The following SNTB1 variants were observed in gnomAD, a reference collection of about 807,000 sequenced individuals.
SNTB1 encodes syntrophin beta 1.
A neutral mutation model predicts 48.9 loss-of-function variants in SNTB1; 36 were observed. That is an observed-to-expected ratio of 0.74 (90% CI 0.56 to 0.97). The LOEUF (loss-of-function observed/expected upper bound fraction) is 0.97, where lower values mean the gene tolerates loss of function less well. Among genes scored for constraint, SNTB1 ranks in the 50% least tolerant of loss-of-function variants. The pLI, the probability that SNTB1 is intolerant of heterozygous loss-of-function variation, is 0.00. For synonymous variants in SNTB1, 299 were observed against 294.6 expected (o/e 1.01, Z -0.15); for missense variants, 786 against 703.4 (o/e 1.12, Z -1.33).
chr8:120,590,634 T>TGCTTC (rs1277432807), intron 3 of SNTB1, among the ~76,000 whole-genome samples: 7 of 152,218 alleles, frequency 4.6e-5, no homozygotes, highest in African/African-American at 1.7e-4. Flanking sequence ...GTCTCATCTT[T>TGCTTC]GCTTCTCCTG....
chr8:120,650,415 A>G (rs551881015), intron 2 of SNTB1, among the ~76,000 whole-genome samples: 11 of 152,286 alleles, frequency 7.2e-5, no homozygotes, highest in South Asian at 2.1e-4. Context: ...TTATTTGTCA[A>G]TTATTTGTGC....
chr8:120,627,653 C>T (rs568935509), intron 3 of SNTB1, among the ~76,000 whole-genome samples: 11 of 152,172 alleles, frequency 7.2e-5, no homozygotes, highest in African/African-American at 2.6e-4. Flanking sequence ...GTAAGTGTTG[C>T]CCGGCCTAGG....
rs141703987 is a variant in SNTB1, at chr8:120,536,866, T to G, written c.*2011A>C. 1.3e-5 allele frequency: 2 copies of G among 151,978 alleles called. No homozygotes were observed. Among genetic ancestry groups the G allele is most frequent in the Non-Finnish European group, 2.9e-5 (2 of 67,954 alleles). 9.4% of individuals were successfully genotyped at this position (151,978 alleles called of 1,614,324 possible). ...TAATTATGAGCAGTTAACTCATACT[T>G]CATGTAGAACCGAGCACCTTAGATT... is the stretch of plus-strand genomic sequence containing the variant. On this transcript the variant is annotated 3_prime_UTR_variant, in exon 7 of 7. Transcript: ENST00000517992.
chr8:120,779,604 A>C (rs1819797424), intron 1 of SNTB1, among the ~76,000 whole-genome samples: 1 of 152,226 alleles, frequency 6.6e-6, no homozygotes, highest in South Asian at 2.1e-4. Context: ...GTAATCTAGA[A>C]ACAGGATAAG....
intron 1 of SNTB1, among the ~76,000 whole-genome samples, chr8:120,711,471 T>G (rs1312002574): frequency 1.3e-5 from 2 of 152,216 alleles, no homozygotes; most frequent in Non-Finnish European, 2.9e-5. Context: ...ATGAACACTC[T>G]TATTATCCAT....
chr8:120,588,066 G>C (rs1323215202), intron 3 of SNTB1, among the ~76,000 whole-genome samples: 1 of 152,060 alleles, frequency 6.6e-6, no homozygotes, highest in Non-Finnish European at 1.5e-5. Flanking sequence ...AAAACAGCAG[G>C]CTCTTTGGGA....
chr8:120,558,488 A>G (rs114795552), intron 4 of SNTB1, among the ~76,000 whole-genome samples: 222 of 152,318 alleles, frequency 1.5e-3, no homozygotes, highest in African/African-American at 5.1e-3. Context: ...TCAGAAACAC[A>G]TTCCCATGGT....
chr8:120,810,617 A>C (rs1246647896), intron 1 of SNTB1, among the ~76,000 whole-genome samples: 1 of 152,178 alleles, frequency 6.6e-6, no homozygotes, highest in African/African-American at 2.4e-5. Flanking sequence ...CGGCAGGGAG[A>C]GCGAATTTTT....
At position 120,557,340 on chromosome 8, in the gene SNTB1, C is replaced by T. The variant is rs939380489; in HGVS notation, c.1137-8382G>A. On this transcript the variant is annotated intron_variant, in intron 4 of 6. Coordinates refer to ENST00000517992, the MANE Select transcript of SNTB1 (RefSeq NM_021021.4). ...ATCTCTGGACCTTGGCTAATCTAGG[C>T]GAGAAAACCATACTTGGAGCAGATG... Among the ~76,000 whole-genome samples the T allele has an allele frequency of 8.5e-5, 13 of 152,130 alleles. No homozygotes were observed. The East Asian group carries it at 9.6e-4, about 11-fold the overall frequency.
chr8:120,639,342 T>A (rs914966044), intron 2 of SNTB1, among the ~76,000 whole-genome samples: 1 of 152,240 alleles, frequency 6.6e-6, no homozygotes, highest in Non-Finnish European at 1.5e-5. Context: ...GTAGGTTGCC[T>A]GTTCACTCTG....
intron 2 of SNTB1, among the ~76,000 whole-genome samples, chr8:120,634,947 G>A (rs776080860): frequency 2.6e-5 from 4 of 151,770 alleles, no homozygotes; most frequent in Non-Finnish European, 5.9e-5. Context: ...CGCCTCCCAG[G>A]TTCACGCCAT....
intron 3 of SNTB1, among the ~76,000 whole-genome samples, chr8:120,581,704 T>C (rs1449362886): frequency 6.6e-6 from 1 of 152,166 alleles, no homozygotes; most frequent in Non-Finnish European, 1.5e-5. Flanking sequence ...AAGAAAAATA[T>C]GGTCTGATCA....
intron 1 of SNTB1, among the ~76,000 whole-genome samples, chr8:120,722,587 G>A (rs904300996): frequency 1.3e-5 from 2 of 152,072 alleles, no homozygotes; most frequent in Admixed American, 6.6e-5. Flanking sequence ...ACTTTTTGAT[G>A]GGGTTGTTTT....
chr8:120,675,915 C>T (rs1817826083), intron 2 of SNTB1, among the ~76,000 whole-genome samples: 1 of 152,238 alleles, frequency 6.6e-6, no homozygotes, highest in Non-Finnish European at 1.5e-5. Flanking sequence ...TGTGAACTTA[C>T]TCAACCTCAT....
At chr8:120,639,200 G>A (rs1052166315) in intron 2 of SNTB1, among the ~76,000 whole-genome samples, 2 of 152,210 alleles carry the variant, frequency 1.3e-5, no homozygotes, top group African/African-American at 2.4e-5. Context: ...CTTTTGAGAA[G>A]TGTCTGTTTA....
chr8:120,798,583 T>C (rs1820161481), intron 1 of SNTB1, among the ~76,000 whole-genome samples: 1 of 152,060 alleles, frequency 6.6e-6, no homozygotes, highest in Non-Finnish European at 1.5e-5. Flanking sequence ...TTTAGTTCAA[T>C]GAATCTAACT....
At chr8:120,794,119 T>C (rs1264216017) in intron 1 of SNTB1, among the ~76,000 whole-genome samples, 1 of 152,106 alleles carries the variant, frequency 6.6e-6, no homozygotes. Flanking sequence ...TGGGCAGAGA[T>C]GGTGAATTCA....
At chr8:120,794,456 A>G (rs1444090102) in intron 1 of SNTB1, among the ~76,000 whole-genome samples, 1 of 151,822 alleles carries the variant, frequency 6.6e-6, no homozygotes, top group African/African-American at 2.4e-5. Flanking sequence ...GCTATTCAAT[A>G]TATCAGTAGT....
chr8:120,556,501 A>G (rs1049406885), intron 4 of SNTB1, among the ~76,000 whole-genome samples: 3 of 152,210 alleles, frequency 2.0e-5, no homozygotes, highest in Admixed American at 6.5e-5. Context: ...TCTTTATATC[A>G]TTCCCAATGA....
Sources: allele counts gnomAD v4.1 joint callset (sites outside exome capture counted in the v4.1 genomes callset), GRCh38; gene constraint gnomAD v4.1.1; transcripts MANE v1.5; gene names NCBI Gene and HGNC (gene_info 2026-07-23, HGNC 2026-07-21).